ZNF827: variants seen among roughly 807,000 people sequenced by gnomAD.
ZNF827 encodes zinc finger protein 827.
ZNF827 carries 13 observed loss-of-function variants against 102.4 expected under a neutral mutation model. The ratio of observed to expected loss-of-function variants is 0.13; its 90% CI spans 0.08 to 0.20. The LOEUF is 0.20. ZNF827 is among the 10% of genes least tolerant of loss of function. ZNF827 has a pLI of 1.00. For synonymous variants in ZNF827, 523 were observed against 536.2 expected (o/e 0.98, Z 0.34); for missense variants, 1,103 against 1,344.4 (o/e 0.82, Z 2.81).
intron 11 of ZNF827, among the ~76,000 whole-genome samples, chr4:145,768,642 A>G (rs1157095700): frequency 5.3e-5 from 8 of 151,204 alleles, no homozygotes; most frequent in African/African-American, 1.9e-4. Context: ...TTATCTTCAA[A>G]TCAGTTCATT....
chr4:145,789,793 C>T (rs1410949629), intron 8 of ZNF827, among the ~76,000 whole-genome samples: 1 of 152,138 alleles, frequency 6.6e-6, no homozygotes, highest in African/African-American at 2.4e-5. Flanking sequence ...TGTAAATTCA[C>T]CAACCATAAA....
In ZNF827 at chr4:145,870,821, CCTATTATGAAATAATG is replaced by C. The variant is rs147985749; in HGVS notation, c.1748-359_1748-344del. The C allele has an allele frequency of 2.0e-3, 383 of 195,230 alleles. 1 individual carries two copies. The highest frequency in any genetic ancestry group is 3.5e-3 in the Non-Finnish European group (326 of 93,504). 12.1% of individuals were successfully genotyped at this position (195,230 alleles called of 1,614,324 possible). On this transcript the variant is annotated intron_variant, in intron 4 of 14. Coordinates refer to ENST00000508784, the MANE Select transcript of ZNF827 (RefSeq NM_001306215.2). ...CTTATTAGCACTCTCCCCACCTAAT[CCTATTATGAAATAATG>C]CTTTCAGGCAATTATTCTGCCATAA...
At chr4:145,801,389 T>C (rs753035376) in intron 8 of ZNF827, among the ~76,000 whole-genome samples, 2 of 152,262 alleles carry the variant, frequency 1.3e-5, no homozygotes, top group Non-Finnish European at 2.9e-5. Flanking sequence ...AGCCCCATTA[T>C]CATGTTCTTC....
chr4:145,907,011 AAG>A (rs1224273391), intron 1 of ZNF827: 1 of 453,834 alleles, frequency 2.2e-6, no homozygotes, highest in South Asian at 1.6e-5. Context: ...TAGAAAGAGA[AAG>A]AGCAGAAACT....
chr4:145,815,291 A>G (rs999092500), intron 8 of ZNF827, among the ~76,000 whole-genome samples: 2 of 152,244 alleles, frequency 1.3e-5, no homozygotes, highest in African/African-American at 2.4e-5. Context: ...CACTGGCCAC[A>G]CTTTTGCATT....
intron 8 of ZNF827, among the ~76,000 whole-genome samples, chr4:145,794,593 T>C (rs7675029): frequency 0.96 from 144,195 of 150,518 alleles, 69,128 homozygotes; most frequent in African/African-American, 0.99. Flanking sequence ...AAGCTGAGGC[T>C]GGGCGGGGTG....
At chr4:145,933,757 C>A (rs1753966543) in intron 1 of ZNF827, among the ~76,000 whole-genome samples, 1 of 147,810 alleles carries the variant, frequency 6.8e-6, no homozygotes, top group Admixed American at 6.7e-5. Context: ...TAAGCTGAAG[C>A]TAATGAAGAA....
intron 1 of ZNF827, among the ~76,000 whole-genome samples, chr4:145,926,062 T>C (rs556561718): frequency 6.6e-6 from 1 of 152,346 alleles, no homozygotes; most frequent in South Asian, 2.1e-4. Context: ...TTTGTTTCCA[T>C]CTCTTTCTCT....
At chr4:145,900,805 C>T (rs1427275948) in intron 2 of ZNF827, among the ~76,000 whole-genome samples, 2 of 152,156 alleles carry the variant, frequency 1.3e-5, no homozygotes, top group East Asian at 3.8e-4. Context: ...CATCGTAGAA[C>T]TACCCCAGCC....
intron 7 of ZNF827, among the ~76,000 whole-genome samples, chr4:145,844,317 C>T (rs757261680): frequency 1.3e-5 from 2 of 151,898 alleles, no homozygotes; most frequent in African/African-American, 4.8e-5. Context: ...TACTTATATA[C>T]AGACACAAGA....
At chr4:145,894,026 A>C (rs1316257776) in intron 2 of ZNF827, among the ~76,000 whole-genome samples, 1 of 152,100 alleles carries the variant, frequency 6.6e-6, no homozygotes, top group South Asian at 2.1e-4. Context: ...CAGATAATTG[A>C]GGAAATACTG....
intron 1 of ZNF827, among the ~76,000 whole-genome samples, chr4:145,904,760 G>A (rs1194227008): frequency 6.6e-6 from 1 of 152,200 alleles, no homozygotes; most frequent in African/African-American, 2.4e-5. Context: ...TGTGGTGCAG[G>A]AGTGGGGTCA....
rs10002091 is a variant in ZNF827, at chr4:145,885,614, G to C, written c.1747+64C>G. 4.3e-3 allele frequency: 262 copies of C among 60,328 alleles called. 2 individuals are homozygous for C. Among genetic ancestry groups the C allele is most frequent in the African/African-American group, 0.039 (206 of 5,222 alleles). The allele number at this position is 60,328 out of a possible 1,614,324, so 3.7% of individuals were successfully genotyped here. ...AAGAATACTGGTAGACAGAGACAGAGAGAGAGAGAGAGAGAGAGAGAGAGA... is the reference window on the plus strand; with the variant it reads ...AAGAATACTGGTAGACAGAGACAGACAGAGAGAGAGAGAGAGAGAGAGAGA... On this transcript the variant is annotated intron_variant, in intron 4 of 14. Coordinates refer to ENST00000508784, the MANE Select transcript of ZNF827 (RefSeq NM_001306215.2).
intron 1 of ZNF827, among the ~76,000 whole-genome samples, chr4:145,904,742 AC>A (rs1216565163): frequency 6.6e-6 from 1 of 152,212 alleles, no homozygotes; most frequent in Non-Finnish European, 1.5e-5. Flanking sequence ...GCGTGTGTGC[AC>A]ATGCACTGTG....
intron 5 of ZNF827, among the ~76,000 whole-genome samples, chr4:145,868,034 G>A (rs919705192): frequency 4.6e-5 from 7 of 152,176 alleles, no homozygotes; most frequent in Non-Finnish European, 1.0e-4. Flanking sequence ...ATTCTTGCAA[G>A]AGCACTGTTC....
At chr4:145,899,996 C>T (rs1017096507) in intron 2 of ZNF827, among the ~76,000 whole-genome samples, 2 of 152,088 alleles carry the variant, frequency 1.3e-5, no homozygotes, top group African/African-American at 4.8e-5. Context: ...TTCTGAGAAC[C>T]CCACTGAGTT....
intron 1 of ZNF827, among the ~76,000 whole-genome samples, chr4:145,936,692 T>C (rs2127013338): frequency 6.6e-6 from 1 of 152,056 alleles, no homozygotes; most frequent in East Asian, 2.0e-4. Context: ...GGGAGATCGA[T>C]CGCCCTGCCT....
intron 4 of ZNF827, among the ~76,000 whole-genome samples, chr4:145,879,275 G>A (rs1298252452): frequency 5.3e-5 from 8 of 152,288 alleles, no homozygotes; most frequent in African/African-American, 1.4e-4. Flanking sequence ...ACCCTATAGG[G>A]CTGTGGTGAA....
intron 10 of ZNF827, 148 bp from the exon 11 acceptor site, chr4:145,774,820 ATTC>A (rs1736807008): frequency 2.1e-6 from 2 of 933,866 alleles, no homozygotes. Flanking sequence ...GCATTAGAAA[ATTC>A]TTCTGCTTTC....
Sources: allele counts gnomAD v4.1 joint callset (sites outside exome capture counted in the v4.1 genomes callset), GRCh38; gene constraint gnomAD v4.1.1; transcripts MANE v1.5; gene names NCBI Gene and HGNC (gene_info 2026-07-23, HGNC 2026-07-21).